The following KHDC4 variants were observed in gnomAD, a reference collection of about 807,000 sequenced individuals.
The protein encoded by KHDC4 is KH homology domain-containing protein 4.
Under a neutral mutation model 74.5 loss-of-function variants are expected in KHDC4, and 19 were observed. The observed-to-expected ratio is 0.26, with a 90% confidence interval of 0.18 to 0.37. The LOEUF (loss-of-function observed/expected upper bound fraction) is 0.37, where lower values mean the gene tolerates loss of function less well. Among genes scored for constraint, KHDC4 ranks in the 10% least tolerant of loss-of-function variants. The pLI is 1.00. For missense variants in KHDC4, 632 were observed against 754.1 expected, an observed-to-expected ratio of 0.84 and a Z score of 1.90; for synonymous variants, 253 against 266.1, an observed-to-expected ratio of 0.95 and a Z score of 0.48.
chr1:155,919,929 T>G (rs756713084), intron 10 of KHDC4: 16 of 499,492 alleles, frequency 3.2e-5, no homozygotes, highest in Non-Finnish European at 6.4e-5. Context: ...CCCCCTTCAG[T>G]GCTCACAGCC....
At chr1:155,919,283 T>C (rs1307810949) in intron 10 of KHDC4, among the ~76,000 whole-genome samples, 1 of 152,136 alleles carries the variant, frequency 6.6e-6, no homozygotes, top group African/African-American at 2.4e-5. Flanking sequence ...CTCCCTGCTT[T>C]TAACCACTCT....
rs780154943 is a variant in KHDC4 at position 155,917,761 on chromosome 1, A to G, written c.1267-89T>C. ...TGATTACAATATACTTTAAGGATCA[A>G]TAAGTATCATATGAATTTTGCATCT... is the stretch of plus-strand genomic sequence containing the variant. On this transcript the variant is annotated intron_variant, in intron 10 of 13. Coordinates refer to ENST00000368321, the MANE Select transcript of KHDC4 (RefSeq NM_014949.4). 904 of 1,102,514 alleles carry G rather than the reference A, an allele frequency of 8.2e-4. 1 individual carries two copies. Among genetic ancestry groups the G allele is most frequent in the Non-Finnish European group, 1.0e-3 (823 of 787,154 alleles). 68.3% of individuals were successfully genotyped at this position (1,102,514 alleles called of 1,614,324 possible). A position where few individuals can be genotyped will look rare whatever the true frequency, so the allele number is the denominator to read the frequency against.
At chr1:155,931,092 A>G (rs1435312809) in intron 2 of KHDC4, among the ~76,000 whole-genome samples, 1 of 151,958 alleles carries the variant, frequency 6.6e-6, no homozygotes, top group Non-Finnish European at 1.5e-5. Context: ...GAGGCTGAGG[A>G]GGGTGGATCG....
chr1:155,932,972 T>A (rs1244821279), intron 2 of KHDC4, among the ~76,000 whole-genome samples: 1 of 152,066 alleles, frequency 6.6e-6, no homozygotes, highest in Non-Finnish European at 1.5e-5. Flanking sequence ...CCCTACAGGT[T>A]CTAATTAGAG....
chr1:155,913,418 T>C lies in KHDC4; in HGVS notation c.*703A>G, dbSNP rs1673670720. Reference sequence around the variant, plus strand: ...GTTCTGACCAGTTTTAGTCAAGAAGTTTTCTCTGACCCAGCTGAAGACAGG... The same window carrying C: ...GTTCTGACCAGTTTTAGTCAAGAAGCTTTCTCTGACCCAGCTGAAGACAGG... On this transcript the variant is annotated 3_prime_UTR_variant, in exon 14 of 14. Coordinates refer to ENST00000368321, the MANE Select transcript of KHDC4 (RefSeq NM_014949.4). The C allele has an allele frequency of 6.6e-6, 1 of 152,314 alleles. No individual in the cohort carries two copies. Among genetic ancestry groups the C allele is most frequent in the Non-Finnish European group, 1.5e-5 (1 of 68,068 alleles). The allele number at this position is 152,314 out of a possible 1,614,324, so 9.4% of individuals were successfully genotyped here. A position where few individuals can be genotyped will look rare whatever the true frequency, so the allele number is the denominator to read the frequency against.
chr1:155,930,323 G>T (rs1190672163), intron 2 of KHDC4, among the ~76,000 whole-genome samples: 1 of 152,208 alleles, frequency 6.6e-6, no homozygotes, highest in African/African-American at 2.4e-5. Context: ...CTTCATAAAC[G>T]AATTAACAAG....
At chr1:155,920,271 A>T (rs1454339109) in intron 10 of KHDC4, among the ~76,000 whole-genome samples, 2 of 151,864 alleles carry the variant, frequency 1.3e-5, no homozygotes, top group Non-Finnish European at 2.9e-5. Flanking sequence ...CCCCGTCTCT[A>T]CTAAAAATAC....
chr1:155,927,676 G>A (rs1330831436), intron 4 of KHDC4, among the ~76,000 whole-genome samples: 2 of 151,344 alleles, frequency 1.3e-5, no homozygotes, highest in African/African-American at 2.4e-5. Context: ...ATGGTGGCAC[G>A]CCTGTAGTCC....
intron 12 of KHDC4, among the ~76,000 whole-genome samples, 157 bp from the exon 13 acceptor site, chr1:155,916,121 AG>A: frequency 6.6e-6 from 1 of 152,292 alleles, no homozygotes; most frequent in East Asian, 1.9e-4. Flanking sequence ...CCTTTATAAA[AG>A]TATAAGGCCT....
intron 12 of KHDC4, 111 bp downstream of exon 12, chr1:155,916,514 A>C (rs1673733756): frequency 1.3e-6 from 1 of 745,996 alleles, no homozygotes. Flanking sequence ...ATTTGATTCA[A>C]AGATTTCATT....
chr1:155,923,675 T>A lies in KHDC4; in HGVS notation c.906A>T (p.Pro302=), dbSNP rs533555670. ...GCTTCTTGGCAGCAGCCAGGCCTTC[T>A]GGTTTGGGGTGACTGCAAAGAAATA... ...PMYIYISHPK[P]EGLAAAKKLC... The change falls in exon 8 of 14, where the codon CCA becomes CCT. Residue 302 remains proline (P), a synonymous_variant. Transcript: ENST00000368321. The A allele has an allele frequency of 6.2e-7, 1 of 1,613,382 alleles. No homozygotes were observed. The highest frequency in any genetic ancestry group is 1.1e-5 in the South Asian group (1 of 91,050).
At chr1:155,924,402 C>A (rs192788705) in intron 7 of KHDC4, among the ~76,000 whole-genome samples, 1 of 151,214 alleles carries the variant, frequency 6.6e-6, no homozygotes, top group Non-Finnish European at 1.5e-5. Context: ...TTAGTAGAAA[C>A]GGGATTTCAC....
At position 155,921,650 on chromosome 1, in the gene KHDC4, G is replaced by T. The variant is rs371195265; in HGVS notation, c.1013-22C>A. The T allele has an allele frequency of 5.0e-6, 8 of 1,601,452 alleles. No homozygotes were observed. In the African/African-American group the frequency reaches 9.4e-5, roughly 19 times the overall value. ...TAGCCTGAGGGGGAAGAAAAAAAGTGTTTAATCAGCTGCAGCAGAATGAGA... is the reference window on the plus strand; with the variant it reads ...TAGCCTGAGGGGGAAGAAAAAAAGTTTTTAATCAGCTGCAGCAGAATGAGA... On this transcript the variant is annotated intron_variant, in intron 9 of 13. Coordinates refer to ENST00000368321, the MANE Select transcript of KHDC4 (RefSeq NM_014949.4).
intron 10 of KHDC4, among the ~76,000 whole-genome samples, chr1:155,920,355 G>C (rs951175674): frequency 6.6e-6 from 1 of 151,992 alleles, no homozygotes; most frequent in African/African-American, 2.4e-5. Context: ...GGAGAATGGC[G>C]TGAACCTGGG....
intron 6 of KHDC4, 130 bp from the exon 7 acceptor site, chr1:155,925,973 C>G (rs745633699): frequency 1.2e-5 from 10 of 836,342 alleles, no homozygotes; most frequent in Admixed American, 8.5e-5. Flanking sequence ...TTGGGTAGTA[C>G]AGTCAGCCCT....
At chr1:155,923,334 T>C (rs896376825) in intron 8 of KHDC4, among the ~76,000 whole-genome samples, 5 of 152,196 alleles carry the variant, frequency 3.3e-5, no homozygotes, top group African/African-American at 1.2e-4. Flanking sequence ...AGACTGGAGT[T>C]ATGCTAATAC....
At chr1:155,914,567 GA>G (rs546047312) in intron 13 of KHDC4, 45 of 359,676 alleles carry the variant, frequency 1.3e-4, no homozygotes, top group East Asian at 2.2e-4. Context: ...CACAAAAAAA[GA>G]AAAAAAAAGA....
At position 155,926,627 on chromosome 1, in the gene KHDC4, A is replaced by G. The variant is rs376097136; in HGVS notation, c.681+49T>C. ...CCACTGTGCCTGGCCAGCACATATC[A>G]TTTTTATAGAAATGATAATGCTATT... is the stretch of plus-strand genomic sequence containing the variant. On this transcript the variant is annotated intron_variant, in intron 6 of 13. Coordinates refer to ENST00000368321, the MANE Select transcript of KHDC4 (RefSeq NM_014949.4). 6.3e-6 allele frequency: 10 copies of G among 1,595,644 alleles called. No homozygotes were observed. The African/African-American group carries it at 1.3e-4, about 21-fold the overall frequency.
chr1:155,928,766 C>T (rs1187291206), intron 4 of KHDC4, among the ~76,000 whole-genome samples: 3 of 151,720 alleles, frequency 2.0e-5, no homozygotes, highest in Non-Finnish European at 4.4e-5. Context: ...TCCTGGCTAA[C>T]ACGGTGAAGC....
Sources: gnomAD v4.1 joint callset for allele counts (sites outside exome capture counted in the v4.1 genomes callset) on GRCh38, gnomAD v4.1.1 for gene constraint, MANE v1.5 for transcripts, NCBI Gene and HGNC (gene_info 2026-07-23, HGNC 2026-07-21) for gene names.